Variants in DLG2 observed in about 807,000 individuals in gnomAD.
DLG2 encodes the protein disks large homolog 2.
Under a neutral mutation model 132.5 loss-of-function variants are expected in DLG2, and 45 were observed. That is an observed-to-expected ratio of 0.34 (90% confidence interval 0.27 to 0.44). The LOEUF is 0.44. Ranked by LOEUF, DLG2 falls within the 20% of genes least tolerant of loss-of-function variation. The pLI, the probability that DLG2 is intolerant of heterozygous loss-of-function variation, is 1.00. For synonymous variants in DLG2, 424 were observed against 419.6 expected, an observed-to-expected ratio of 1.01 and a Z score of -0.13; for missense variants, 1,045 against 1,196.9, an observed-to-expected ratio of 0.87 and a Z score of 1.87.
chr11:84,945,973 G>A (rs935778024), intron 6 of DLG2, among the ~76,000 whole-genome samples: 10 of 151,608 alleles, frequency 6.6e-5, no homozygotes, highest in African/African-American at 2.4e-4. Context: ...AAGGAGCTTC[G>A]CCCTGTGGCT....
intron 11 of DLG2, among the ~76,000 whole-genome samples, chr11:83,988,014 C>A (rs187972938): frequency 2.6e-5 from 4 of 151,798 alleles, no homozygotes; most frequent in Middle Eastern, 3.4e-3. Flanking sequence ...TGTTTAAGTT[C>A]CTTGTAGACT....
At chr11:85,237,301 A>G (rs529167104) in intron 4 of DLG2, among the ~76,000 whole-genome samples, 2 of 152,224 alleles carry the variant, frequency 1.3e-5, no homozygotes, top group South Asian at 4.1e-4. Flanking sequence ...TCTGGTATTA[A>G]TTAATAGGGA....
At chr11:84,887,962 C>T (rs1226107792) in intron 6 of DLG2, among the ~76,000 whole-genome samples, 1 of 152,092 alleles carries the variant, frequency 6.6e-6, no homozygotes, top group African/African-American at 2.4e-5. Flanking sequence ...AATTCATTAC[C>T]TCAAAAACTA....
chr11:84,587,987 A>C (rs982439319), intron 6 of DLG2, among the ~76,000 whole-genome samples: 1 of 152,138 alleles, frequency 6.6e-6, no homozygotes, highest in African/African-American at 2.4e-5. Flanking sequence ...CTATTACGAT[A>C]GCATCACTCC....
chr11:84,649,037 C>T lies in DLG2; in HGVS notation c.358-114306G>A, dbSNP rs893321949. On this transcript the variant is annotated intron_variant, in intron 6 of 27. Transcript: ENST00000376104. ...ATAAAATGTGAATTTTTACAAATGA[C>T]ATATAGGGTTTTCCTCGATTTCTCC... 3.9e-5 allele frequency among the ~76,000 whole-genome samples: 6 copies of T among 151,976 alleles called. No individual in the cohort carries two copies. The South Asian group carries it at 6.2e-4, about 16-fold the overall frequency.
chr11:85,306,934 T>C (rs2079987975), intron 3 of DLG2, among the ~76,000 whole-genome samples: 1 of 152,150 alleles, frequency 6.6e-6, no homozygotes, highest in South Asian at 2.1e-4. Flanking sequence ...ATTCTATTAG[T>C]AAAGCAATGT....
chr11:84,412,718 C>A (rs967448564), intron 7 of DLG2, among the ~76,000 whole-genome samples: 2 of 152,182 alleles, frequency 1.3e-5, no homozygotes, highest in African/African-American at 4.8e-5. Flanking sequence ...AGCTAAGCAC[C>A]TGCCTTAAGG....
At chr11:83,569,622 T>C (rs145169730) in intron 19 of DLG2, among the ~76,000 whole-genome samples, 2 of 152,286 alleles carry the variant, frequency 1.3e-5, no homozygotes, top group African/African-American at 4.8e-5. Flanking sequence ...CAGGATATGA[T>C]GCCAATGTAG....
chr11:84,369,658 A>G (rs1008793614), intron 7 of DLG2, among the ~76,000 whole-genome samples: 1 of 152,186 alleles, frequency 6.6e-6, no homozygotes, highest in African/African-American at 2.4e-5. Flanking sequence ...TTCATGCCAC[A>G]GACATGGTTG....
intron 6 of DLG2, among the ~76,000 whole-genome samples, chr11:85,078,857 A>T (rs2066884023): frequency 1.3e-5 from 2 of 152,238 alleles, no homozygotes; most frequent in Middle Eastern, 3.4e-3. Context: ...AAGATCCTAA[A>T]TAAAATGCGT....
At chr11:85,079,174 G>A (rs775413967) in intron 6 of DLG2, among the ~76,000 whole-genome samples, 2 of 152,082 alleles carry the variant, frequency 1.3e-5, no homozygotes, top group African/African-American at 2.4e-5. Context: ...TTGTTTGAAA[G>A]AGTTTATCTA....
intron 9 of DLG2, among the ~76,000 whole-genome samples, chr11:84,106,977 A>G (rs1177132599): frequency 1.0e-5 from 1 of 97,446 alleles, no homozygotes; most frequent in African/African-American, 3.9e-5. Context: ...TTTTAGCCTT[A>G]GGGTGTGTGT....
At chr11:84,575,458 C>G (rs745600056) in intron 6 of DLG2, among the ~76,000 whole-genome samples, 4 of 151,990 alleles carry the variant, frequency 2.6e-5, no homozygotes, top group Non-Finnish European at 5.9e-5. Context: ...CCTTCCATTT[C>G]CAGGCTGGGT....
At chr11:84,456,796 A>G (rs567929645) in intron 7 of DLG2, among the ~76,000 whole-genome samples, 1 of 151,328 alleles carries the variant, frequency 6.6e-6, no homozygotes, top group African/African-American at 2.4e-5. Flanking sequence ...AGTTCTGTGA[A>G]GGGAGAAATT....
At chr11:85,098,387 C>T (rs1399774841) in intron 6 of DLG2, among the ~76,000 whole-genome samples, 2 of 152,104 alleles carry the variant, frequency 1.3e-5, no homozygotes, top group Non-Finnish European at 2.9e-5. Context: ...AGATGAGATT[C>T]TTTTTTTGGT....
chr11:84,377,197 T>C (rs2098732857), intron 7 of DLG2, among the ~76,000 whole-genome samples: 1 of 152,050 alleles, frequency 6.6e-6, no homozygotes. Context: ...TTTTAGTTTA[T>C]AGAAAATATG....
At chr11:83,686,432 G>T (rs1484470007) in intron 18 of DLG2, among the ~76,000 whole-genome samples, 1 of 151,860 alleles carries the variant, frequency 6.6e-6, no homozygotes, top group Non-Finnish European at 1.5e-5. Context: ...ATATTTTATA[G>T]TTCTTTGTTC....
rs755647247 is a variant in DLG2 at position 84,059,528 on chromosome 11, G to A, written c.750-44C>T. The A allele has an allele frequency of 4.9e-6, 7 of 1,427,174 alleles. No individual in the cohort carries two copies. In the East Asian group the frequency reaches 1.6e-4, roughly 32 times the overall value. 88.4% of individuals were successfully genotyped at this position (1,427,174 alleles called of 1,614,324 possible). A position where few individuals can be genotyped will look rare whatever the true frequency, so the allele number is the denominator to read the frequency against. On this transcript the variant is annotated intron_variant, in intron 10 of 27. Transcript: ENST00000376104. ...GTCAAGATTCAGAAGTGGCTAGCAG[G>A]ATTTCTTAAAGAATATTATTATGTT...
chr11:84,486,042 G>A (rs1031343416), intron 7 of DLG2, among the ~76,000 whole-genome samples: 5 of 152,062 alleles, frequency 3.3e-5, no homozygotes, highest in African/African-American at 4.8e-5. Flanking sequence ...CTTCGATCTG[G>A]GAGAGACACA....
Sources: gnomAD v4.1 joint callset for allele counts (sites outside exome capture counted in the v4.1 genomes callset) on GRCh38, gnomAD v4.1.1 for gene constraint, MANE v1.5 for transcripts, NCBI Gene and HGNC (gene_info 2026-07-23, HGNC 2026-07-21) for gene names.